The following ABLIM1 variants were observed in gnomAD, a reference collection of about 807,000 sequenced individuals.
ABLIM1 encodes actin binding LIM protein 1.
Under a neutral mutation model 107.0 loss-of-function variants are expected in ABLIM1, and 40 were observed. The observed-to-expected ratio is 0.37, with a 90% CI of 0.29 to 0.49. The LOEUF (loss-of-function observed/expected upper bound fraction) is 0.49. Among genes scored for constraint, ABLIM1 ranks in the 20% least tolerant of loss-of-function variants. The pLI is 0.97. For missense variants in ABLIM1, 857 were observed against 1,008.5 expected (o/e 0.85, Z 2.04); for synonymous variants, 357 against 357.3 (o/e 1.00, Z 0.01).
intron 2 of ABLIM1, among the ~76,000 whole-genome samples, chr10:114,586,423 G>A (rs769266021): frequency 2.0e-5 from 3 of 152,260 alleles, no homozygotes; most frequent in African/African-American, 7.2e-5. Flanking sequence ...GTAACAACAG[G>A]AATAATTAAA....
At chr10:114,468,420 G>GC (rs1555049182) in intron 10 of ABLIM1, among the ~76,000 whole-genome samples, 6 of 151,870 alleles carry the variant, frequency 4.0e-5, no homozygotes, top group African/African-American at 7.3e-5. Flanking sequence ...GACTACAGGC[G>GC]CCGCCACCAC....
intron 5 of ABLIM1, among the ~76,000 whole-genome samples, chr10:114,547,202 C>G (rs921520626): frequency 1.3e-5 from 2 of 151,302 alleles, no homozygotes; most frequent in Admixed American, 6.6e-5. Context: ...CTATTATCCA[C>G]TATTATTGAA....
upstream of ABLIM1, among the ~76,000 whole-genome samples, chr10:114,662,591 G>A (rs1457080571): frequency 3.3e-5 from 5 of 152,244 alleles, no homozygotes; most frequent in African/African-American, 9.6e-5. Context: ...ATATGCTCCG[G>A]TCTGGGCAGG....
In ABLIM1 at chr10:114,433,148, A is replaced by G. The variant is rs2059027032; in HGVS notation, c.*3112T>C. ...TACATCGGCACCAGGGAAGCCTGCC[A>G]TATATACAATCCCCTTCCTAGGGTG... On this transcript the variant is annotated 3_prime_UTR_variant, in exon 23 of 23. Coordinates refer to ENST00000533213, the MANE Select transcript of ABLIM1 (RefSeq NM_002313.7). The G allele has an allele frequency of 6.6e-6, 1 of 152,258 alleles. No homozygotes were observed. The highest frequency in any genetic ancestry group is 1.5e-5 in the Non-Finnish European group (1 of 68,070). 9.4% of individuals were successfully genotyped at this position (152,258 alleles called of 1,614,324 possible).
intron 14 of ABLIM1, 116 bp downstream of exon 14, chr10:114,451,508 G>T: frequency 2.1e-6 from 2 of 935,082 alleles, no homozygotes; most frequent in Non-Finnish European, 3.6e-6. Context: ...ATAATATGCT[G>T]GATGCCCCAG....
chr10:114,786,972 G>A, the ABLIM1 span, among the ~76,000 whole-genome samples: 1 of 150,156 alleles, frequency 6.7e-6, no homozygotes, highest in Non-Finnish European at 1.5e-5. Flanking sequence ...TGGGATGTGA[G>A]GAGCCCCTCT....
chr10:114,475,593 T>A (rs2056230323), intron 8 of ABLIM1, among the ~76,000 whole-genome samples: 1 of 152,216 alleles, frequency 6.6e-6, no homozygotes, highest in South Asian at 2.1e-4. Flanking sequence ...AAACAAATAC[T>A]TAGTTTGCAG....
chr10:114,684,176 A>G, intron 1 of ABLIM1: 2 of 1,048,426 alleles, frequency 1.9e-6, no homozygotes, highest in East Asian at 2.5e-5. Flanking sequence ...ACTTATTATC[A>G]TAAGTGTAAA....
At chr10:114,538,575 C>G (rs1167056034) in intron 6 of ABLIM1, among the ~76,000 whole-genome samples, 1 of 152,180 alleles carries the variant, frequency 6.6e-6, no homozygotes, top group Non-Finnish European at 1.5e-5. Flanking sequence ...CAGGTGCCAC[C>G]AGCCCGCCCA....
At chr10:114,732,129 G>A (rs185018716) in intron 1 of ABLIM1, among the ~76,000 whole-genome samples, 46 of 147,648 alleles carry the variant, frequency 3.1e-4, no homozygotes, top group African/African-American at 1.1e-3. Context: ...CCTATTGAGT[G>A]TGAAGTGATA....
intron 6 of ABLIM1, among the ~76,000 whole-genome samples, chr10:114,503,450 A>G (rs1025959247): frequency 6.7e-6 from 1 of 148,402 alleles, no homozygotes; most frequent in Non-Finnish European, 1.5e-5. Context: ...TGTCTCCGAA[A>G]AAAAAGAAAA....
rs553720948 is a variant in ABLIM1 at position 114,639,833 on chromosome 10, T to C, written c.244+18124A>G. Among the ~76,000 whole-genome samples, 13 of 152,350 alleles carry C rather than the reference T, an allele frequency of 8.5e-5. No homozygotes were observed. The South Asian group carries it at 1.9e-3, about 22-fold the overall frequency. On this transcript the variant is annotated intron_variant, in intron 1 of 22. Transcript: ENST00000533213. ...ATGCGTGCAGTTTGTGTGTTTGCTA[T>C]TCCTGCTGCCCGTGCACACAGAGTG...
chr10:114,517,664 T>C (rs2063089113), intron 6 of ABLIM1, among the ~76,000 whole-genome samples: 1 of 152,166 alleles, frequency 6.6e-6, no homozygotes, highest in East Asian at 1.9e-4. Flanking sequence ...CGATAAACTG[T>C]GTTCACAGCA....
chr10:114,787,691 G>T, the ABLIM1 span, among the ~76,000 whole-genome samples: 22 of 117,934 alleles, frequency 1.9e-4, no homozygotes, highest in Non-Finnish European at 2.2e-4. Context: ...CAGCCACCCC[G>T]TCCGGGAGGG....
chr10:114,668,889 T>C (rs996068744), intron 1 of ABLIM1, among the ~76,000 whole-genome samples: 1 of 152,178 alleles, frequency 6.6e-6, no homozygotes, highest in African/African-American at 2.4e-5. Flanking sequence ...GAGGGATAGC[T>C]TTCGTAGTAT....
intron 6 of ABLIM1, among the ~76,000 whole-genome samples, chr10:114,535,735 C>G (rs1303531267): frequency 6.6e-6 from 1 of 152,100 alleles, no homozygotes; most frequent in Non-Finnish European, 1.5e-5. Flanking sequence ...TACAATTCAC[C>G]CTTTTAAAGT....
chr10:114,542,577 C>T lies in ABLIM1; in HGVS notation c.894+2428G>A, dbSNP rs111984118. Among the ~76,000 whole-genome samples, 595 of 97,716 alleles carry T rather than the reference C, an allele frequency of 6.1e-3. 3 individuals carry two copies. The highest frequency in any genetic ancestry group is 0.02 in the African/African-American group (556 of 27,276). The allele number at this position is 97,716 out of a possible 152,430, so 64.1% of individuals were successfully genotyped here. ...GAGGAGGGAAGAGAAGGGAGGAGGA[C>T]GAGGAGGAGGAGGAAGGAGGAAGAA... On this transcript the variant is annotated intron_variant, in intron 6 of 22. Transcript: ENST00000533213.
At chr10:114,526,796 A>T in intron 6 of ABLIM1, 2 of 985,416 alleles carry the variant, frequency 2.0e-6, no homozygotes, top group Non-Finnish European at 1.2e-6. Context: ...TGAGGCTCCC[A>T]CCTGCCTGGG....
At chr10:114,444,993 C>T (rs755918047) in intron 16 of ABLIM1, among the ~76,000 whole-genome samples, 4 of 152,242 alleles carry the variant, frequency 2.6e-5, no homozygotes, top group Non-Finnish European at 4.4e-5. Flanking sequence ...CTGCCTGGCC[C>T]TCCAGCAGCC....
Sources: allele counts gnomAD v4.1 joint callset (sites outside exome capture counted in the v4.1 genomes callset), GRCh38; gene constraint gnomAD v4.1.1; transcripts MANE v1.5; gene names NCBI Gene and HGNC (gene_info 2026-07-23, HGNC 2026-07-21).